The following CSMD3 variants were observed in gnomAD, a reference collection of about 807,000 sequenced individuals.
CSMD3 encodes CUB and Sushi multiple domains 3.
A neutral mutation model predicts 435.2 loss-of-function variants in CSMD3; 177 were observed. That is an observed-to-expected ratio of 0.41 (90% CI 0.36 to 0.46). The LOEUF (loss-of-function observed/expected upper bound fraction) is 0.46, where lower values mean the gene tolerates loss of function less well. Among genes scored for constraint, CSMD3 ranks in the 20% least tolerant of loss-of-function variants. The pLI, the probability that CSMD3 is intolerant of heterozygous loss-of-function variation, is 0.34. For missense variants in CSMD3, 4,265 were observed against 4,504.6 expected (o/e 0.95, Z 1.52); for synonymous variants, 1,656 against 1,520.5 (o/e 1.09, Z -2.07).
At chr8:113,298,608 T>C (rs1233827633) in intron 2 of CSMD3, among the ~76,000 whole-genome samples, 1 of 152,254 alleles carries the variant, frequency 6.6e-6, no homozygotes, top group South Asian at 2.1e-4. Context: ...TCTCTTATCA[T>C]CCAAAGACAA....
At chr8:112,267,737 G>A (rs1586596193) in intron 59 of CSMD3, among the ~76,000 whole-genome samples, 1 of 152,032 alleles carries the variant, frequency 6.6e-6, no homozygotes, top group African/African-American at 2.4e-5. Flanking sequence ...ACAGATGCAC[G>A]AAGAAAGAGT....
chr8:112,346,058 A>G (rs777535793), intron 41 of CSMD3, 39 bp downstream of exon 41: 2 of 1,048,502 alleles, frequency 1.9e-6, no homozygotes, highest in Admixed American at 3.4e-5. Context: ...TACATTAATA[A>G]ATATTGAAAG....
chr8:112,801,600 T>C (rs1458745736), intron 12 of CSMD3, among the ~76,000 whole-genome samples: 1 of 152,080 alleles, frequency 6.6e-6, no homozygotes, highest in Non-Finnish European at 1.5e-5. Flanking sequence ...AACTCACACA[T>C]ATATATTGTC....
intron 10 of CSMD3, among the ~76,000 whole-genome samples, chr8:112,886,197 T>C (rs1369915720): frequency 2.0e-5 from 3 of 151,738 alleles, no homozygotes; most frequent in Non-Finnish European, 4.4e-5. Flanking sequence ...GAAATTTATC[T>C]CTGAAACTCT....
At chr8:112,331,077 A>T (rs1030934877) in intron 45 of CSMD3, among the ~76,000 whole-genome samples, 1 of 152,056 alleles carries the variant, frequency 6.6e-6, no homozygotes, top group Non-Finnish European at 1.5e-5. Flanking sequence ...GCAATAATAC[A>T]TGGAAAGCAC....
At chr8:113,380,455 A>G (rs1424648321) in intron 1 of CSMD3, among the ~76,000 whole-genome samples, 2 of 152,052 alleles carry the variant, frequency 1.3e-5, no homozygotes, top group African/African-American at 2.4e-5. Flanking sequence ...TCAAATTTAG[A>G]AAAAAAAGAA....
chr8:112,450,907 A>AATCT lies in CSMD3; in HGVS notation c.5395+21680_5395+21683dup, dbSNP rs532243283. Among the ~76,000 whole-genome samples the AATCT allele has an allele frequency of 2.9e-4, 44 of 152,296 alleles. No homozygotes were observed. The East Asian group carries it at 8.3e-3, about 29-fold the overall frequency. On this transcript the variant is annotated intron_variant, in intron 32 of 70. Coordinates refer to ENST00000297405, the MANE Select transcript of CSMD3 (RefSeq NM_198123.2). ...CTGATCTGGAAACTCCTCTTATAGG[A>AATCT]ATCTAGTCTAGAAACAAATCAGAGA...
chr8:113,127,412 GCTGA>G (rs1361007560), intron 4 of CSMD3, among the ~76,000 whole-genome samples: 1 of 151,938 alleles, frequency 6.6e-6, no homozygotes, highest in Non-Finnish European at 1.5e-5. Flanking sequence ...TTTATTGAGT[GCTGA>G]CTGTGTACCA....
At chr8:113,126,256 C>T (rs1358082218) in intron 4 of CSMD3, among the ~76,000 whole-genome samples, 4 of 151,810 alleles carry the variant, frequency 2.6e-5, no homozygotes, top group Non-Finnish European at 5.9e-5. Context: ...TATAATCTCA[C>T]ACTACAAGGC....
At chr8:113,372,150 A>G (rs2133055309) in intron 1 of CSMD3, among the ~76,000 whole-genome samples, 1 of 152,264 alleles carries the variant, frequency 6.6e-6, no homozygotes, top group South Asian at 2.1e-4. Flanking sequence ...TTGGGAGGTC[A>G]ATTTTTTATA....
chr8:112,801,831 T>A (rs1480456948), intron 12 of CSMD3, among the ~76,000 whole-genome samples: 2 of 152,020 alleles, frequency 1.3e-5, no homozygotes, highest in African/African-American at 4.8e-5. Context: ...AGCATGTACA[T>A]CAGCTATACC....
At chr8:113,059,109 G>A (rs535129288) in intron 5 of CSMD3, among the ~76,000 whole-genome samples, 25 of 152,176 alleles carry the variant, frequency 1.6e-4, no homozygotes, top group African/African-American at 5.5e-4. Context: ...AGACATTTGT[G>A]ATGGTTAAAA....
intron 69 of CSMD3, among the ~76,000 whole-genome samples, chr8:112,230,742 G>A (rs2129875097): frequency 6.6e-6 from 1 of 152,182 alleles, no homozygotes; most frequent in South Asian, 2.1e-4. Flanking sequence ...AACCTGGGAG[G>A]AGGAGTTTGC....
At chr8:112,450,674 CA>C (rs1816158499) in intron 32 of CSMD3, among the ~76,000 whole-genome samples, 1 of 152,064 alleles carries the variant, frequency 6.6e-6, no homozygotes, top group African/African-American at 2.4e-5. Flanking sequence ...TCTTTTTTCT[CA>C]AAAATTTAAT....
At position 112,517,094 on chromosome 8, in the gene CSMD3, T is replaced by C. The variant is rs1489203528; in HGVS notation, c.4696A>G (p.Ile1566Val). ...PGYELQGEER[I>V]TCIQVENRYF... ...CGATTTTCTACCTGAATGCAGGTTA[T>C]TCTTTCCTCTCCTTGAAGTTCATAT... Residue 1566 changes from isoleucine to valine, a missense_variant, in exon 28 of 71, where the codon ATA becomes GTA. By Grantham distance (29) the Ile-to-Val change is conservative. Transcript: ENST00000297405. 1.1e-5 allele frequency: 17 copies of C among 1,613,948 alleles called. No individual in the cohort carries two copies. Among genetic ancestry groups the C allele is most frequent in the Non-Finnish European group, 1.4e-5 (17 of 1,179,904 alleles).
At chr8:113,076,110 T>A (rs1217917870) in intron 5 of CSMD3, among the ~76,000 whole-genome samples, 4 of 151,620 alleles carry the variant, frequency 2.6e-5, no homozygotes, top group Admixed American at 6.6e-5. Flanking sequence ...GAACTGTAAA[T>A]TCATGGAACT....
At chr8:112,632,952 C>A (rs539872357) in intron 22 of CSMD3, among the ~76,000 whole-genome samples, 7 of 151,978 alleles carry the variant, frequency 4.6e-5, no homozygotes, top group African/African-American at 1.7e-4. Context: ...AACATCTTAA[C>A]TAAAATATCA....
At chr8:112,641,884 C>T (rs1200461360) in intron 20 of CSMD3, among the ~76,000 whole-genome samples, 1 of 151,872 alleles carries the variant, frequency 6.6e-6, no homozygotes, top group Non-Finnish European at 1.5e-5. Context: ...CCTCCTAAAT[C>T]AAAAAGGCAA....
At chr8:112,677,025 T>A (rs1341912762) in intron 16 of CSMD3, among the ~76,000 whole-genome samples, 1 of 152,028 alleles carries the variant, frequency 6.6e-6, no homozygotes. Context: ...TATAACAAGG[T>A]GAAGAATTTA....
Sources: allele counts gnomAD v4.1 joint callset (sites outside exome capture counted in the v4.1 genomes callset), GRCh38; gene constraint gnomAD v4.1.1; transcripts MANE v1.5; gene names NCBI Gene and HGNC (gene_info 2026-07-23, HGNC 2026-07-21).